SAMSN1: variants seen among roughly 807,000 people sequenced by gnomAD.
SAMSN1 encodes SAM domain-containing protein SAMSN-1.
In SAMSN1, 31 loss-of-function variants were observed where a neutral mutation model predicts 42.0. The observed-to-expected ratio is 0.74, with a 90% CI of 0.55 to 1.00. SAMSN1 has a LOEUF of 1.00. Among genes scored for constraint, SAMSN1 ranks in the 50% least tolerant of loss-of-function variants. SAMSN1 has a pLI of 0.00. For synonymous variants in SAMSN1, 178 were observed against 151.9 expected (o/e 1.17, Z -1.26); for missense variants, 464 against 439.4 (o/e 1.06, Z -0.50).
intron 2 of SAMSN1, among the ~76,000 whole-genome samples, chr21:14,617,274 T>C (rs1982863790): frequency 6.6e-6 from 1 of 152,330 alleles, no homozygotes; most frequent in Middle Eastern, 3.4e-3. Flanking sequence ...CCTTCCATTC[T>C]CTATGCTTTG....
chr21:14,582,962 A>T (rs1382121072), intron 1 of SAMSN1, among the ~76,000 whole-genome samples: 1 of 152,196 alleles, frequency 6.6e-6, no homozygotes, highest in Non-Finnish European at 1.5e-5. Flanking sequence ...ACATTCTGAA[A>T]TTGTCTATTT....
chr21:14,508,591 C>T (rs749478247), intron 5 of SAMSN1, among the ~76,000 whole-genome samples: 5 of 152,188 alleles, frequency 3.3e-5, no homozygotes, highest in African/African-American at 1.2e-4. Flanking sequence ...AAAAGGAACA[C>T]TTCTACACTG....
chr21:14,532,050 C>T (rs1979300373), intron 1 of SAMSN1, among the ~76,000 whole-genome samples: 2 of 152,002 alleles, frequency 1.3e-5, no homozygotes, highest in Admixed American at 1.3e-4. Context: ...TTTTGGGCCC[C>T]CTGATTAATG....
intron 1 of SAMSN1, among the ~76,000 whole-genome samples, chr21:14,649,299 G>A (rs1037459948): frequency 3.3e-5 from 5 of 149,928 alleles, no homozygotes; most frequent in Non-Finnish European, 7.4e-5. Flanking sequence ...GGGAGGGATA[G>A]CATTGGGAGA....
chr21:14,635,682 G>A (rs546423103), intron 2 of SAMSN1, among the ~76,000 whole-genome samples: 1 of 152,234 alleles, frequency 6.6e-6, no homozygotes, highest in Non-Finnish European at 1.5e-5. Flanking sequence ...ATTTAATCAA[G>A]GATACTAAAT....
Position 14,658,778 on chromosome 21 carries a change from C to T in SAMSN1, c.-7G>A, listed in dbSNP as rs538185678. The T allele has an allele frequency of 3.4e-4, 242 of 715,426 alleles. 2 individuals carry two copies. In the South Asian group the frequency reaches 3.4e-3, roughly 10 times the overall value. 44.3% of individuals were successfully genotyped at this position (715,426 alleles called of 1,614,324 possible). A position where few individuals can be genotyped will look rare whatever the true frequency, so the allele number is the denominator to read the frequency against. On this transcript the variant is annotated 5_prime_UTR_variant, in exon 1 of 16. Coordinates refer to the SAMSN1 transcript ENST00000647101. ...AAATGCAGAAAAGATTCATTTTGACCAGCTTCACTCTCTTGTTGCCCTGCT... is the reference window on the plus strand; with the variant it reads ...AAATGCAGAAAAGATTCATTTTGACTAGCTTCACTCTCTTGTTGCCCTGCT...
intron 5 of SAMSN1, among the ~76,000 whole-genome samples, chr21:14,503,748 T>C (rs1017857882): frequency 6.6e-5 from 10 of 151,718 alleles, no homozygotes; most frequent in Non-Finnish European, 2.9e-5. Context: ...AGCAGAGGAG[T>C]GTGTGGATGC....
At position 14,546,234 on chromosome 21, in the gene SAMSN1, A is replaced by T. The variant is rs1172103527; in HGVS notation, c.28T>A (p.Ser10Thr). The T allele has an allele frequency of 6.2e-7, 1 of 1,613,580 alleles. No homozygotes were observed. The highest frequency in any genetic ancestry group is 8.5e-7 in the Non-Finnish European group (1 of 1,179,762). Residue 10 changes from serine (S) to threonine (T), a missense_variant, in exon 1 of 8, where the codon TCA becomes ACA. Coordinates refer to ENST00000400566, the MANE Select transcript of SAMSN1 (RefSeq NM_022136.5). MLKRKPSNV[S>T]EKEKHQKPKR... is the part of the protein sequence containing the mutation. ...GGTTTTTGATGTTTCTCCTTCTCTG[A>T]AACATTGGATGGCTTTCTCTTGAGC...
chr21:14,567,538 C>T (rs1361189812), intron 2 of SAMSN1, among the ~76,000 whole-genome samples: 3 of 152,224 alleles, frequency 2.0e-5, no homozygotes, highest in African/African-American at 2.4e-5. Context: ...TTAGCCCAGT[C>T]GGTTGGAAAG....
intron 1 of SAMSN1, among the ~76,000 whole-genome samples, chr21:14,655,079 A>G (rs1372648024): frequency 1.3e-5 from 2 of 151,942 alleles, no homozygotes; most frequent in African/African-American, 4.8e-5. Context: ...AAAATGTAAT[A>G]TTAAAGAAAT....
intron 1 of SAMSN1, among the ~76,000 whole-genome samples, chr21:14,582,926 C>T (rs1981795108): frequency 6.6e-6 from 1 of 152,022 alleles, no homozygotes; most frequent in Admixed American, 6.6e-5. Context: ...AATAAAATCT[C>T]AGTGGTTTGG....
Position 14,509,080 on chromosome 21 carries a change from C to T in SAMSN1, c.561+1230G>A, listed in dbSNP as rs552626069. 1.6e-3 allele frequency among the ~76,000 whole-genome samples: 249 copies of T among 151,576 alleles called. 1 individual carries two copies. The highest frequency in any genetic ancestry group is 3.1e-3 in the South Asian group (15 of 4,790). ...TCAGTGAACCAAGATTGTGCCACTG[C>T]ACTCCAGCCTGGTGACAGAGCAAGA... is the stretch of plus-strand genomic sequence containing the variant. On this transcript the variant is annotated intron_variant, in intron 5 of 7. Coordinates refer to ENST00000400566, the MANE Select transcript of SAMSN1 (RefSeq NM_022136.5).
chr21:14,541,362 A>G (rs1400787219), intron 1 of SAMSN1, among the ~76,000 whole-genome samples: 5 of 152,072 alleles, frequency 3.3e-5, no homozygotes, highest in African/African-American at 1.2e-4. Flanking sequence ...GTGAGTATCC[A>G]TACTTGAACC....
At chr21:14,623,081 GTC>G (rs1306736218) in intron 2 of SAMSN1, among the ~76,000 whole-genome samples, 9 of 152,150 alleles carry the variant, frequency 5.9e-5, no homozygotes, top group Non-Finnish European at 1.3e-4. Flanking sequence ...GAGAGAATTT[GTC>G]ACCACCAGGC....
intron 4 of SAMSN1, among the ~76,000 whole-genome samples, chr21:14,612,066 T>C (rs2123324949): frequency 1.3e-5 from 2 of 152,260 alleles, no homozygotes; most frequent in Middle Eastern, 3.4e-3. Context: ...AACCTGTCTC[T>C]ACTAAAAATA....
intron 5 of SAMSN1, among the ~76,000 whole-genome samples, chr21:14,502,678 T>C (rs1439900353): frequency 6.6e-6 from 1 of 152,236 alleles, no homozygotes; most frequent in African/African-American, 2.4e-5. Context: ...CTTCTACTGC[T>C]CTCTCCCACA....
intron 5 of SAMSN1, among the ~76,000 whole-genome samples, chr21:14,503,063 T>G (rs1339955452): frequency 6.6e-6 from 1 of 152,168 alleles, no homozygotes; most frequent in African/African-American, 2.4e-5. Flanking sequence ...CTCACCCCTC[T>G]CCTTGAGTGT....
chr21:14,587,979 G>A (rs1267237679), upstream of SAMSN1, among the ~76,000 whole-genome samples: 7 of 128,338 alleles, frequency 5.5e-5, no homozygotes, highest in Admixed American at 6.2e-4. Flanking sequence ...TCCCACCTAT[G>A]AGTGAGAATA....
intron 2 of SAMSN1, among the ~76,000 whole-genome samples, chr21:14,626,010 C>A (rs771008302): frequency 6.6e-6 from 1 of 152,084 alleles, no homozygotes; most frequent in Non-Finnish European, 1.5e-5. Flanking sequence ...ACAAACCTGA[C>A]AAAAACAAGC....
Sources: allele counts gnomAD v4.1 joint callset (sites outside exome capture counted in the v4.1 genomes callset), GRCh38; gene constraint gnomAD v4.1.1; transcripts MANE v1.5; gene names NCBI Gene and HGNC (gene_info 2026-07-23, HGNC 2026-07-21).